Variants in CCDC171 observed in about 807,000 individuals in gnomAD.
The protein encoded by CCDC171 is coiled-coil domain-containing protein 171.
In CCDC171, 177 loss-of-function variants were observed where a neutral mutation model predicts 168.2. That is an observed-to-expected ratio of 1.05 (90% confidence interval 0.93 to 1.19). CCDC171 has a LOEUF of 1.19. CCDC171 is among the 50% of genes most tolerant of loss of function. The pLI is 0.00. For missense variants in CCDC171, 1,991 were observed against 1,539.0 expected (o/e 1.29, Z -4.91); for synonymous variants, 687 against 540.8 (o/e 1.27, Z -3.75).
At chr9:15,723,149 A>C (rs1267531578) in intron 12 of CCDC171, among the ~76,000 whole-genome samples, 2 of 152,192 alleles carry the variant, frequency 1.3e-5, no homozygotes, top group African/African-American at 4.8e-5. Flanking sequence ...TGAACTGTCA[A>C]AGAAAATAAA....
intron 23 of CCDC171, among the ~76,000 whole-genome samples, chr9:15,868,762 C>G (rs1018735325): frequency 6.6e-6 from 1 of 151,898 alleles, no homozygotes; most frequent in African/African-American, 2.4e-5. Flanking sequence ...GCTAAGAGCA[C>G]TAGACTTAGT....
At chr9:16,104,674 A>G in the CCDC171 span, among the ~76,000 whole-genome samples, 11 of 151,448 alleles carry the variant, frequency 7.3e-5, no homozygotes, top group Non-Finnish European at 1.3e-4. Flanking sequence ...CCATCCATTC[A>G]TCCACCCACC....
chr9:15,825,088 A>C (rs998066531), intron 21 of CCDC171, among the ~76,000 whole-genome samples: 1 of 152,128 alleles, frequency 6.6e-6, no homozygotes, highest in Non-Finnish European at 1.5e-5. Flanking sequence ...AAGAGAGTCA[A>C]CTTCAAATTT....
In CCDC171 at chr9:15,837,817, A is replaced by G. The variant is rs868068507; in HGVS notation, c.3268-8885A>G. ...AAAAATAACTTTCATGGTTTATTGCACGATGGGAAAGCCGGTACCAACCCT... is the reference window on the plus strand; with the variant it reads ...AAAAATAACTTTCATGGTTTATTGCGCGATGGGAAAGCCGGTACCAACCCT... On this transcript the variant is annotated intron_variant, in intron 21 of 25. Transcript: ENST00000380701. 3.9e-5 allele frequency among the ~76,000 whole-genome samples: 6 copies of G among 152,338 alleles called. No individual in the cohort carries two copies. The Middle Eastern group carries it at 0.01, about 259-fold the overall frequency.
intron 6 of CCDC171, among the ~76,000 whole-genome samples, chr9:16,032,576 A>T (rs916153343): frequency 2.6e-5 from 4 of 152,194 alleles, no homozygotes; most frequent in African/African-American, 9.7e-5. Flanking sequence ...GGGGACCGAG[A>T]CACATTGCAA....
At chr9:15,942,870 A>C (rs375520406) in intron 25 of CCDC171, among the ~76,000 whole-genome samples, 1 of 151,952 alleles carries the variant, frequency 6.6e-6, no homozygotes, top group African/African-American at 2.4e-5. Context: ...CTACAATATT[A>C]ATAGCAATGT....
At chr9:15,969,427 A>T (rs974581895) in intron 25 of CCDC171, among the ~76,000 whole-genome samples, 1 of 152,174 alleles carries the variant, frequency 6.6e-6, no homozygotes, top group African/African-American at 2.4e-5. Flanking sequence ...AGTTTGAGTA[A>T]ATTATGCATA....
At chr9:15,655,528 A>G (rs963559955) in intron 7 of CCDC171, among the ~76,000 whole-genome samples, 1 of 152,230 alleles carries the variant, frequency 6.6e-6, no homozygotes, top group Admixed American at 6.5e-5. Context: ...TCTGTCCAGA[A>G]ACTGACTCTT....
At chr9:15,754,140 A>G (rs947344723) in intron 18 of CCDC171, among the ~76,000 whole-genome samples, 1 of 152,210 alleles carries the variant, frequency 6.6e-6, no homozygotes, top group Non-Finnish European at 1.5e-5. Flanking sequence ...ACAGTAATAA[A>G]TATAAAACCA....
chr9:15,754,670 T>C (rs995984575), intron 18 of CCDC171, among the ~76,000 whole-genome samples: 1 of 152,168 alleles, frequency 6.6e-6, no homozygotes, highest in Admixed American at 6.5e-5. Context: ...GTTCTGACAC[T>C]AGCTGTGTGA....
intron 21 of CCDC171, among the ~76,000 whole-genome samples, chr9:15,827,570 T>G (rs2060065309): frequency 6.6e-6 from 1 of 152,198 alleles, no homozygotes; most frequent in Admixed American, 6.5e-5. Flanking sequence ...ATCTTCTATT[T>G]TATTCAAGTT....
chr9:15,819,660 C>T lies in CCDC171; in HGVS notation c.3268-27042C>T, dbSNP rs1297723886. Among the ~76,000 whole-genome samples the T allele has an allele frequency of 3.4e-5, 4 of 117,354 alleles. 1 individual carries two copies. Among genetic ancestry groups the T allele is most frequent in the African/African-American group, 9.6e-5 (3 of 31,154 alleles). The allele number at this position is 117,354 out of a possible 152,430, so 77.0% of individuals were successfully genotyped here. ...ACTAACTGTCCTAAATATATATGCA[C>T]CCAATACAGGAACACCCAGATTCAT... On this transcript the variant is annotated intron_variant, in intron 21 of 25. Coordinates refer to ENST00000380701, the MANE Select transcript of CCDC171 (RefSeq NM_173550.4).
chr9:15,628,452 G>T (rs1423853868), intron 7 of CCDC171, among the ~76,000 whole-genome samples: 5 of 152,164 alleles, frequency 3.3e-5, no homozygotes, highest in Admixed American at 3.3e-4. Context: ...AGATCAAACT[G>T]CAAGGCGGCA....
At position 15,660,456 on chromosome 9, in the gene CCDC171, A is replaced by G. The variant is rs56749153; in HGVS notation, c.915+3237A>G. 5.2e-3 allele frequency among the ~76,000 whole-genome samples: 793 copies of G among 151,790 alleles called. 6 individuals carry two copies. The highest frequency in any genetic ancestry group is 0.019 in the African/African-American group (774 of 41,362). ...ATAGCACCCAATTGTTAATTTTTCA[A>G]CTCTTGCCCCCTTCCTGCCCTTTTC... On this transcript the variant is annotated intron_variant, in intron 8 of 25. Transcript: ENST00000380701.
chr9:15,693,618 G>A (rs1197063746), intron 10 of CCDC171, among the ~76,000 whole-genome samples: 3 of 152,150 alleles, frequency 2.0e-5, no homozygotes, highest in African/African-American at 7.2e-5. Flanking sequence ...ATATAGTCAG[G>A]GAGGTAAAGA....
chr9:15,928,121 C>T (rs1826091067), intron 25 of CCDC171, among the ~76,000 whole-genome samples: 1 of 151,614 alleles, frequency 6.6e-6, no homozygotes, highest in Non-Finnish European at 1.5e-5. Flanking sequence ...CAGGTGCTTT[C>T]CGATGAGACT....
At position 15,910,899 on chromosome 9, in the gene CCDC171, G is replaced by C. The variant is rs537288567; in HGVS notation, c.3601-9371G>C. ...AATCATTCTTTTTTATGGCTGCATAGTATTCCATGGTGTATATGTGCCACA... is the reference window on the plus strand; with the variant it reads ...AATCATTCTTTTTTATGGCTGCATACTATTCCATGGTGTATATGTGCCACA... On this transcript the variant is annotated intron_variant, in intron 24 of 25. Coordinates refer to ENST00000380701, the MANE Select transcript of CCDC171 (RefSeq NM_173550.4). Among the ~76,000 whole-genome samples, 45 of 152,260 alleles carry C rather than the reference G, an allele frequency of 3.0e-4. 1 individual carries two copies. The highest frequency in any genetic ancestry group is 9.1e-4 in the African/African-American group (38 of 41,538).
chr9:15,637,617 C>G (rs1587642953), intron 7 of CCDC171, among the ~76,000 whole-genome samples: 1 of 107,022 alleles, frequency 9.3e-6, no homozygotes, highest in Admixed American at 1.2e-4. Context: ...TATCCCTCCC[C>G]CCTCCCCCCA....
At chr9:15,751,769 T>C (rs1344998988) in intron 18 of CCDC171, among the ~76,000 whole-genome samples, 1 of 152,136 alleles carries the variant, frequency 6.6e-6, no homozygotes, top group Non-Finnish European at 1.5e-5. Context: ...CAAGATGGAC[T>C]AAAGACTTAA....
Sources: gnomAD v4.1 joint callset for allele counts (sites outside exome capture counted in the v4.1 genomes callset) on GRCh38, gnomAD v4.1.1 for gene constraint, MANE v1.5 for transcripts, NCBI Gene and HGNC (gene_info 2026-07-23, HGNC 2026-07-21) for gene names.